The following ZNF185 variants were observed in gnomAD, a reference collection of about 807,000 sequenced individuals.
The protein encoded by ZNF185 is zinc finger protein 185 with LIM domain, also known as zinc finger protein 185.
ZNF185 carries 56 observed loss-of-function variants against 58.6 expected under a neutral mutation model. That is an observed-to-expected ratio of 0.95 (90% CI 0.77 to 1.19). ZNF185 has a LOEUF of 1.19. Among genes scored for constraint, ZNF185 ranks in the 50% most tolerant of loss-of-function variants. The pLI, the probability that ZNF185 is intolerant of heterozygous loss-of-function variation, is 0.00. For missense variants in ZNF185, 627 were observed against 573.5 expected (o/e 1.09, Z -0.95); for synonymous variants, 230 against 215.9 (o/e 1.07, Z -0.57).
chrX:152,933,107 C>T (rs1296902500), intron 14 of ZNF185, 136 bp downstream of exon 15: 1 of 420,313 alleles, frequency 2.4e-6, no homozygotes, highest in Non-Finnish European at 4.1e-6. Context: ...CTCCCACACT[C>T]CCACATTCCA....
chrX:152,928,396 G>A (rs1216317545), intron 11 of ZNF185, among the ~76,000 whole-genome samples, 179 bp from the exon 13 acceptor site: 2 of 112,365 alleles, frequency 1.8e-5, no homozygotes, highest in Non-Finnish European at 3.8e-5. Flanking sequence ...ACCGGGGAAG[G>A]GGCCTACAGG....
chrX:152,926,161 C>T (rs1458500178), intron 11 of ZNF185, among the ~76,000 whole-genome samples: 2 of 112,463 alleles, frequency 1.8e-5, no homozygotes, highest in Non-Finnish European at 3.8e-5. Flanking sequence ...GCTTCTGGCA[C>T]AGGACAAAAC....
chrX:152,908,527 C>T, the ZNF185 span, among the ~76,000 whole-genome samples: 8 of 111,979 alleles, frequency 7.1e-5, no homozygotes, highest in South Asian at 3.8e-4. Context: ...TGGCCTGCTC[C>T]GTGGGGTCCT....
chrX:152,917,165 A>G (rs782011019), exon 4 of ZNF185: 2 of 1,209,627 alleles, frequency 1.7e-6, no homozygotes, highest in African/African-American at 1.7e-5. Flanking sequence ...TGGCTACATC[A>G]TCCGGTAAGT....
chrX:152,961,277 G>C (rs1556910110), intron 17 of ZNF185, among the ~76,000 whole-genome samples: 1 of 111,876 alleles, frequency 8.9e-6, no homozygotes. Flanking sequence ...AGAGGGCTGT[G>C]CTAGCTTTAT....
intron 5 of ZNF185, 62 bp downstream of exon 6, chrX:152,917,424 C>A: frequency 8.7e-7 from 1 of 1,148,779 alleles, no homozygotes. Context: ...GGTCTGGGCT[C>A]CTGGCAGAGA....
intron 15 of ZNF185, among the ~76,000 whole-genome samples, chrX:152,938,943 TGGAGAG>T: frequency 9.5e-6 from 1 of 105,334 alleles, no homozygotes; most frequent in Non-Finnish European, 2.0e-5. Flanking sequence ...AAGAACACGG[TGGAGAG>T]AGCTATAGAT....
chrX:152,910,743 C>G (rs1556861052), upstream of ZNF185, among the ~76,000 whole-genome samples: 1 of 112,219 alleles, frequency 8.9e-6, no homozygotes, highest in Non-Finnish European at 1.9e-5. Flanking sequence ...AGCAGGCCTG[C>G]CCTTAAGCCT....
At chrX:152,944,784 A>C (rs1556892969) in intron 15 of ZNF185, among the ~76,000 whole-genome samples, 1 of 111,503 alleles carries the variant, frequency 9.0e-6, no homozygotes, top group African/African-American at 3.2e-5. Context: ...GGATCGCTTG[A>C]GACCAGCCTG....
At chrX:152,913,620 G>A (rs1293024695), upstream of ZNF185, among the ~76,000 whole-genome samples, 3 of 112,432 alleles carry the variant, frequency 2.7e-5, no homozygotes, top group Admixed American at 9.3e-5. Flanking sequence ...TGCCACACTC[G>A]CCTGTTCCCT....
intron 14 of ZNF185, among the ~76,000 whole-genome samples, chrX:152,937,351 G>C (rs937861130): frequency 8.9e-6 from 1 of 111,797 alleles, no homozygotes; most frequent in African/African-American, 3.3e-5. Flanking sequence ...GCCCTGTCTT[G>C]GCTGCTTAGT....
the ZNF185 span, among the ~76,000 whole-genome samples, chrX:152,906,937 C>T: frequency 9.0e-6 from 1 of 110,795 alleles, no homozygotes; most frequent in Non-Finnish European, 1.9e-5. Context: ...GCGTTTTGCT[C>T]CCTTGCCCTC....
upstream of ZNF185, among the ~76,000 whole-genome samples, chrX:152,909,573 G>T (rs1936810468): frequency 8.9e-6 from 1 of 112,365 alleles, no homozygotes; most frequent in African/African-American, 3.2e-5. Flanking sequence ...GGAGAAGCCG[G>T]CCTCCTGCTT....
At chrX:152,919,532 T>C (rs1005556048) in intron 7 of ZNF185, among the ~76,000 whole-genome samples, 1 of 111,406 alleles carries the variant, frequency 9.0e-6, no homozygotes. Context: ...GTGTGCCCCA[T>C]GCTGCTGAAA....
At chrX:152,899,254 G>A in the ZNF185 span, among the ~76,000 whole-genome samples, 205 of 112,771 alleles carry the variant, frequency 1.8e-3, 1 homozygote, top group African/African-American at 6.4e-3. Context: ...TCTGGCTGTC[G>A]TACCTGGCTG....
At chrX:152,949,506 A>G in intron 16 of ZNF185, among the ~76,000 whole-genome samples, 1 of 112,268 alleles carries the variant, frequency 8.9e-6, no homozygotes, top group Non-Finnish European at 1.9e-5. Context: ...TAGGTTCATC[A>G]GGAAGGGTCA....
chrX:152,955,603 T>C (rs2048738185), intron 16 of ZNF185, among the ~76,000 whole-genome samples: 1 of 112,773 alleles, frequency 8.9e-6, no homozygotes, highest in African/African-American at 3.2e-5. Context: ...GCCAGAATTT[T>C]GTTTAAAAAA....
chrX:152,914,819 G>A lies in ZNF185; in HGVS notation c.144G>A (p.Ser48=), dbSNP rs782321590. 8.4e-6 allele frequency: 10 copies of A among 1,184,895 alleles called. No individual in the cohort carries two copies. The East Asian group carries it at 9.2e-5, about 11-fold the overall frequency. The change falls in exon 2 of 23, where the codon TCG becomes TCA. Residue 48 remains serine (S), a synonymous_variant. Transcript: ENST00000449285. Reference sequence around the variant, plus strand: ...GCTGGATTACCAAGCAGGATGAATCGGAGGGTCGCACCATGTAAGGCAAGG... The same window carrying A: ...GCTGGATTACCAAGCAGGATGAATCAGAGGGTCGCACCATGTAAGGCAAGG...
chrX:152,947,209 C>T (rs1457998215), intron 16 of ZNF185, among the ~76,000 whole-genome samples: 1 of 110,949 alleles, frequency 9.0e-6, no homozygotes, highest in Non-Finnish European at 1.9e-5. Flanking sequence ...AGCAAGACCC[C>T]ATTTCTACAA....
Sources: allele counts gnomAD v4.1 joint callset (sites outside exome capture counted in the v4.1 genomes callset), GRCh38; gene constraint gnomAD v4.1.1; transcripts MANE v1.5; gene names NCBI Gene and HGNC (gene_info 2026-07-23, HGNC 2026-07-21).